Variants in ABR observed in about 807,000 individuals in gnomAD.
ABR encodes the protein ABR activator of RhoGEF and GTPase, also known as active breakpoint cluster region-related protein.
ABR carries 35 observed loss-of-function variants against 107.2 expected under a neutral mutation model. That is an observed-to-expected ratio of 0.33 (90% CI 0.25 to 0.43). The LOEUF is 0.43. Among genes scored for constraint, ABR ranks in the 20% least tolerant of loss-of-function variants. ABR has a pLI of 1.00. For synonymous variants in ABR, 498 were observed against 462.0 expected, an observed-to-expected ratio of 1.08 and a Z score of -1.00; for missense variants, 815 against 1,115.2, an observed-to-expected ratio of 0.73 and a Z score of 3.83.
chr17:1,173,130 C>A (rs2041792028), intron 1 of ABR, among the ~76,000 whole-genome samples: 3 of 117,658 alleles, frequency 2.5e-5, no homozygotes, highest in Admixed American at 8.8e-5. Context: ...CAGTCCACCC[C>A]CCACACATCA....
chr17:1,064,111 TGTTGTTATGTGAACTGAGG>T (rs2034391180), intron 10 of ABR, among the ~76,000 whole-genome samples: 1 of 134,110 alleles, frequency 7.5e-6, no homozygotes, highest in African/African-American at 2.8e-5. Context: ...CTCTAGACAC[TGTTGTTATGTGAACTGAGG>T]GCTATGCATG....
In ABR at chr17:1,083,615, C is replaced by T. The variant is rs184612861; in HGVS notation, c.544G>A (p.Gly182Ser). ...HLFQKLASQLGVYKAFVDNYK... is the reference protein window; with the variant it reads ...HLFQKLASQLSVYKAFVDNYK... ...TTATCGACAAACGCTTTGTACACAC[C>T]GAGCTGGCTGGCCTGCAGGGAGGAG... Residue 182 changes from glycine to serine, a missense_variant, in exon 5 of 23, where the codon GGT becomes AGT. By Grantham distance (56) the Gly-to-Ser change is moderately conservative (BLOSUM62 0). Around this residue, in one of 5 missense-constraint regions of ABR, gnomAD observed 385 missense variants for 596.9 expected, o/e 0.64. Coordinates refer to ENST00000302538, the MANE Select transcript of ABR (RefSeq NM_021962.5). 3.7e-6 allele frequency: 6 copies of T among 1,611,462 alleles called. No homozygotes were observed. Among genetic ancestry groups the T allele is most frequent in the East Asian group, 2.2e-5 (1 of 44,700 alleles).
intron 1 of ABR, among the ~76,000 whole-genome samples, chr17:1,220,408 G>A (rs945471731): frequency 2.6e-5 from 4 of 152,324 alleles, no homozygotes; most frequent in East Asian, 1.9e-4. Context: ...AGCGTCGAAT[G>A]GGAAGACAGG....
chr17:1,061,838 T>C (rs2044193), intron 10 of ABR, among the ~76,000 whole-genome samples: 135,312 of 152,220 alleles, frequency 0.89, 60,296 homozygotes, highest in East Asian at 0.97. Context: ...TAAACCACCA[T>C]GCTGGGCCCT....
At chr17:1,049,976 T>C in intron 16 of ABR, 74 bp downstream of exon 16, 1 of 1,541,260 alleles carries the variant, frequency 6.5e-7, no homozygotes, top group Non-Finnish European at 8.7e-7. Context: ...GCAGGCTCCT[T>C]GACCAGAATT....
intron 16 of ABR, among the ~76,000 whole-genome samples, chr17:1,018,497 C>T: frequency 6.6e-6 from 1 of 152,210 alleles, no homozygotes; most frequent in East Asian, 1.9e-4. Flanking sequence ...CACCCACAGC[C>T]CCTCCTCCGC....
At chr17:1,211,990 A>G (rs1004082205) in intron 1 of ABR, among the ~76,000 whole-genome samples, 3 of 151,674 alleles carry the variant, frequency 2.0e-5, no homozygotes, top group African/African-American at 7.3e-5. Flanking sequence ...GCTGAGGCAC[A>G]AGAATTGCTT....
Position 1,005,326 on chromosome 17 carries a change from T to A in ABR, c.*754A>T, listed in dbSNP as rs1440103128. 2.5e-6 allele frequency: 1 copy of A among 396,228 alleles called. No homozygotes were observed. The highest frequency in any genetic ancestry group is 3.6e-5 in the East Asian group (1 of 27,990). The allele number at this position is 396,228 out of a possible 1,614,324, so 24.5% of individuals were successfully genotyped here. Reference sequence around the variant, plus strand: ...ACAGGTAAACCCCAGAAGTGGAGATTCCCAAACGGAAAATTCCAGAAATGG... The same window carrying A: ...ACAGGTAAACCCCAGAAGTGGAGATACCCAAACGGAAAATTCCAGAAATGG... On this transcript the variant is annotated 3_prime_UTR_variant, in exon 23 of 23. Coordinates refer to ENST00000302538, the MANE Select transcript of ABR (RefSeq NM_021962.5).
intron 1 of ABR, among the ~76,000 whole-genome samples, chr17:1,171,236 G>A (rs905685977): frequency 2.6e-5 from 4 of 152,190 alleles, no homozygotes; most frequent in African/African-American, 9.7e-5. Flanking sequence ...TTTGGTCCCC[G>A]TAATCTCGAT....
intron 1 of ABR, among the ~76,000 whole-genome samples, chr17:1,201,919 C>T (rs1023519784): frequency 5.9e-5 from 9 of 152,298 alleles, no homozygotes; most frequent in Admixed American, 2.0e-4. Flanking sequence ...CCTCGTGATC[C>T]GCCCGCGTCG....
At chr17:1,226,209 G>C (rs2043210437) in intron 1 of ABR, among the ~76,000 whole-genome samples, 1 of 152,164 alleles carries the variant, frequency 6.6e-6, no homozygotes, top group South Asian at 2.1e-4. Flanking sequence ...GGTGGCCAAG[G>C]AAGACCGCCC....
At chr17:1,189,497 A>AC, upstream of ABR, among the ~76,000 whole-genome samples, 1 of 151,496 alleles carries the variant, frequency 6.6e-6, no homozygotes, top group Non-Finnish European at 1.5e-5. Context: ...CGGGATAGAG[A>AC]CCCGCACATC....
intron 1 of ABR, among the ~76,000 whole-genome samples, chr17:1,144,600 A>G (rs935844081): frequency 1.8e-4 from 27 of 151,406 alleles, no homozygotes; most frequent in Admixed American, 1.1e-3. Flanking sequence ...AAAAAAAAAA[A>G]AGGGGCAGGG....
intron 16 of ABR, among the ~76,000 whole-genome samples, chr17:1,018,240 CA>C (rs1338858673): frequency 6.6e-6 from 1 of 151,918 alleles, no homozygotes; most frequent in East Asian, 1.9e-4. Flanking sequence ...GACGGGGTTT[CA>C]CCGTGTTAGC....
chr17:1,128,133 C>G (rs1054448822), intron 1 of ABR, among the ~76,000 whole-genome samples: 1 of 152,166 alleles, frequency 6.6e-6, no homozygotes, highest in Non-Finnish European at 1.5e-5. Flanking sequence ...GCTCGGCCTG[C>G]GAACATTTCC....
intron 1 of ABR, among the ~76,000 whole-genome samples, chr17:1,167,741 G>C (rs1034636743): frequency 6.6e-6 from 1 of 152,254 alleles, no homozygotes; most frequent in Non-Finnish European, 1.5e-5. Flanking sequence ...AGAGGACAAT[G>C]TCTGGCATCC....
chr17:1,199,957 G>A (rs1372646739), intron 1 of ABR, among the ~76,000 whole-genome samples: 12 of 149,884 alleles, frequency 8.0e-5, no homozygotes, highest in Non-Finnish European at 7.4e-5. Flanking sequence ...AAATTTTAGG[G>A]TACATGTGCA....
chr17:1,032,883 C>A (rs1656640810), intron 16 of ABR, among the ~76,000 whole-genome samples: 1 of 152,324 alleles, frequency 6.6e-6, no homozygotes, highest in Admixed American at 6.5e-5. Context: ...AGAAAGGAAA[C>A]CAGTATTTGC....
At chr17:1,125,498 C>T (rs746957872) in intron 1 of ABR, 131 bp from the exon 2 acceptor site, 19 of 977,622 alleles carry the variant, frequency 1.9e-5, no homozygotes, top group Middle Eastern at 2.2e-4. Flanking sequence ...CTGGCCCGGG[C>T]GGGGGCTGTG....
Sources: allele counts gnomAD v4.1 joint callset (sites outside exome capture counted in the v4.1 genomes callset), GRCh38; gene constraint gnomAD v4.1.1; regional missense constraint gnomAD v4.1.1; transcripts MANE v1.5; gene names NCBI Gene and HGNC (gene_info 2026-07-23, HGNC 2026-07-21).